The following TNRC18 variants were observed in gnomAD, a reference collection of about 807,000 sequenced individuals.
The protein encoded by TNRC18 is trinucleotide repeat containing 18, also known as trinucleotide repeat-containing gene 18 protein.
TNRC18 carries 69 observed loss-of-function variants against 226.7 expected under a neutral mutation model. The ratio of observed to expected loss-of-function variants is 0.30; its 90% CI spans 0.25 to 0.37. The LOEUF (loss-of-function observed/expected upper bound fraction) is 0.37. TNRC18 is among the 10% of genes least tolerant of loss of function. The pLI is 1.00. For missense variants in TNRC18, 4,754 were observed against 4,256.6 expected (o/e 1.12, Z -3.25); for synonymous variants, 2,449 against 1,927.6 (o/e 1.27, Z -7.09).
chr7:5,310,196 C>A (rs1003378586), intron 27 of TNRC18, among the ~76,000 whole-genome samples: 3 of 151,840 alleles, frequency 2.0e-5, no homozygotes, highest in Admixed American at 1.3e-4. Flanking sequence ...AGCTACCACA[C>A]CTGGCCTTTT....
chr7:5,419,840 G>C (rs1439997506), intron 2 of TNRC18: 1 of 152,350 alleles, frequency 6.6e-6, no homozygotes, highest in Non-Finnish European at 1.5e-5. Flanking sequence ...AAATCAAAGA[G>C]AGAGCAAAAT....
chr7:5,329,121 G>A lies in TNRC18; in HGVS notation c.6147+3501C>T, dbSNP rs150255172. ...AGTTCGAGACGAGACTGGCCAACATGGCGAAACCTTGTCTCTACTAAAAAT... is the reference window on the plus strand; with the variant it reads ...AGTTCGAGACGAGACTGGCCAACATAGCGAAACCTTGTCTCTACTAAAAAT... On this transcript the variant is annotated intron_variant, in intron 19 of 29. Coordinates refer to ENST00000430969, the MANE Select transcript of TNRC18 (RefSeq NM_001080495.3). 5.0e-3 allele frequency among the ~76,000 whole-genome samples: 760 copies of A among 152,056 alleles called. 6 individuals carry two copies. The highest frequency in any genetic ancestry group is 0.018 in the African/African-American group (731 of 41,468).
Position 5,381,236 on chromosome 7 carries a change from G to A in TNRC18, c.2153-3212C>T, listed in dbSNP as rs534816781. ...CCCTCTGTCCCCCACCCCTGCGCTT[G>A]GCCGGGCCCCTCCTCTACCCTCCTC... On this transcript the variant is annotated intron_variant, in intron 5 of 29. Transcript: ENST00000430969. Among the ~76,000 whole-genome samples, 33 of 152,280 alleles carry A rather than the reference G, an allele frequency of 2.2e-4. 1 individual carries two copies. In the South Asian group the frequency reaches 5.8e-3, roughly 27 times the overall value.
chr7:5,375,202 G>C (rs911637296), intron 9 of TNRC18, among the ~76,000 whole-genome samples: 1 of 152,104 alleles, frequency 6.6e-6, no homozygotes, highest in African/African-American at 2.4e-5. Context: ...CCAGCTACTC[G>C]GGAGGCTGAG....
At chr7:5,359,784 AG>A (rs1161105974) in intron 14 of TNRC18, among the ~76,000 whole-genome samples, 2 of 152,172 alleles carry the variant, frequency 1.3e-5, no homozygotes, top group Non-Finnish European at 2.9e-5. Context: ...AGGTGAAAGA[AG>A]GAAGAAAGCA....
At chr7:5,348,617 G>A (rs1012735179) in intron 17 of TNRC18, among the ~76,000 whole-genome samples, 1 of 142,950 alleles carries the variant, frequency 7.0e-6, no homozygotes, top group African/African-American at 2.5e-5. Context: ...GGCGGTGAAG[G>A]TGATGAGTCT....
chr7:5,309,626 A>G lies in TNRC18; in HGVS notation c.8389-258T>C, dbSNP rs973007347. ...CTACAAGACTTCTTATTTTTGAGAC[A>G]GGGTCTCCCTCTGTTGCCCAGGCTG... On this transcript the variant is annotated intron_variant, in intron 27 of 29. Transcript: ENST00000430969. This position sits in a 1 kb window ranked among gnomAD's most constrained non-coding sequence, Gnocchi z 5.7. 3.9e-5 allele frequency among the ~76,000 whole-genome samples: 6 copies of G among 152,262 alleles called. No individual in the cohort carries two copies. Among genetic ancestry groups the G allele is most frequent in the Non-Finnish European group, 8.8e-5 (6 of 68,048 alleles).
At chr7:5,375,869 G>A (rs547675701) in intron 9 of TNRC18, among the ~76,000 whole-genome samples, 165 bp downstream of exon 9, 1 of 152,296 alleles carries the variant, frequency 6.6e-6, no homozygotes, top group East Asian at 1.9e-4. Context: ...ATGGCTCCAG[G>A]TCTCGGTTCC....
Position 5,366,318 on chromosome 7 carries a change from C to CTTTTTTTTTTTTTTTTTTT in TNRC18, c.4220-3512_4220-3494dup, listed in dbSNP as rs202053648. On this transcript the variant is annotated intron_variant, in intron 11 of 29. Transcript: ENST00000430969. ...AATGCTTGTTTTGCTCTTCTTATAT[C>CTTTTTTTTTTTTTTTTTTT]TTTTTTTTTTTTTTTTTTTTTTTTT... 8.5e-5 allele frequency among the ~76,000 whole-genome samples: 6 copies of CTTTTTTTTTTTTTTTTTTT among 70,464 alleles called. 2 individuals carry two copies. Among genetic ancestry groups the CTTTTTTTTTTTTTTTTTTT allele is most frequent in the African/African-American group, 2.5e-4 (4 of 15,844 alleles). The allele number at this position is 70,464 out of a possible 152,430, so 46.2% of individuals were successfully genotyped here.
chr7:5,331,782 C>T (rs1443895314), intron 19 of TNRC18, among the ~76,000 whole-genome samples: 1 of 152,126 alleles, frequency 6.6e-6, no homozygotes, highest in Non-Finnish European at 1.5e-5. Flanking sequence ...CGGTGGTATG[C>T]ACCTGTAGTC....
chr7:5,390,839 G>C (rs775762049), intron 3 of TNRC18, among the ~76,000 whole-genome samples: 6 of 151,992 alleles, frequency 3.9e-5, no homozygotes, highest in African/African-American at 1.5e-4. Context: ...GGGGACTGGG[G>C]TCTCCAGTCC....
chr7:5,408,160 G>A (rs888876007), intron 2 of TNRC18, among the ~76,000 whole-genome samples: 2 of 152,052 alleles, frequency 1.3e-5, no homozygotes, highest in Non-Finnish European at 2.9e-5. Context: ...TTAGCTGGGC[G>A]TGGTGGCGCG....
chr7:5,420,084 T>A (rs1782455825), intron 2 of TNRC18: 1 of 273,966 alleles, frequency 3.7e-6, no homozygotes. Context: ...GCCGGGCAGG[T>A]CTGGAGGTCC....
chr7:5,420,605 C>G (rs1172757692), intron 2 of TNRC18: 2 of 456,136 alleles, frequency 4.4e-6, no homozygotes, highest in Non-Finnish European at 8.8e-6. Context: ...CGGCTCGGCG[C>G]GAGTGGTGGA....
Position 5,313,558 on chromosome 7 carries a change from C to T in TNRC18, c.7333G>A (p.Glu2445Lys). ...CTCCGAGGGCCCTTGGCACCCGACT[C>T]CTCGGCTGCCCGCGCCTTCTTGGGC... ...PKPKKARAAE[E>K]SGAKGPRRPG... The change falls in exon 27 of 30, where the codon GAG (glutamate) becomes AAG (lysine). Residue 2445 changes from glutamate (E) to lysine (K), a missense_variant. Glu to Lys is a moderately conservative substitution (Grantham distance 56). Coordinates refer to ENST00000430969, the MANE Select transcript of TNRC18 (RefSeq NM_001080495.3). 2 of 1,606,998 alleles carry T rather than the reference C, an allele frequency of 1.2e-6. No homozygotes were observed. The highest frequency in any genetic ancestry group is 1.7e-6 in the Non-Finnish European group (2 of 1,177,176).
At chr7:5,342,128 G>T (rs1192186130) in intron 18 of TNRC18, among the ~76,000 whole-genome samples, 1 of 152,108 alleles carries the variant, frequency 6.6e-6, no homozygotes, top group East Asian at 1.9e-4. Flanking sequence ...AAACCTTCTG[G>T]AAAGAATTCA....
In TNRC18 at chr7:5,313,785, G is replaced by T; in HGVS notation, c.7106C>A (p.Thr2369Asn). The T allele has an allele frequency of 6.5e-7, 1 of 1,538,466 alleles. No individual in the cohort carries two copies. Among genetic ancestry groups the T allele is most frequent in the Non-Finnish European group, 8.7e-7 (1 of 1,143,524 alleles). The change falls in exon 27 of 30, where the codon ACC (threonine) becomes AAC (asparagine). Residue 2369 changes from threonine (T) to asparagine (N), a missense_variant. Transcript: ENST00000430969. Reference protein sequence around the residue: ...STPLALEPSSTPGSKKSPPEP... With the variant: ...STPLALEPSSNPGSKKSPPEP... ...TGGGGGGCTCTTCTTGGAACCTGGG[G>T]TGCTGCTCGGCTCCAGGGCTAAGGG...
At position 5,394,386 on chromosome 7, in the gene TNRC18, T is replaced by A. The variant is rs1215678697; in HGVS notation, c.343+54A>T. 2 of 1,450,058 alleles carry A rather than the reference T, an allele frequency of 1.4e-6. No individual in the cohort carries two copies. Among genetic ancestry groups the A allele is most frequent in the Non-Finnish European group, 1.8e-6 (2 of 1,096,652 alleles). The allele number at this position is 1,450,058 out of a possible 1,614,324, so 89.8% of individuals were successfully genotyped here. A position where few individuals can be genotyped will look rare whatever the true frequency, so the allele number is the denominator to read the frequency against. ...AGAGGGGCACATGAAGTGGCCAGAGTGGCTGGGACGTCAGCCCAGCAGCCC... is the reference window on the plus strand; with the variant it reads ...AGAGGGGCACATGAAGTGGCCAGAGAGGCTGGGACGTCAGCCCAGCAGCCC... On this transcript the variant is annotated intron_variant, in intron 3 of 29. Coordinates refer to ENST00000430969, the MANE Select transcript of TNRC18 (RefSeq NM_001080495.3). The surrounding 1 kb of genome is among the most constrained non-coding windows in gnomAD (Gnocchi z 4.5).
chr7:5,335,300 T>TGAA (rs1562508489), intron 18 of TNRC18, among the ~76,000 whole-genome samples: 7 of 10,630 alleles, frequency 6.6e-4, no homozygotes, highest in African/African-American at 1.3e-3. Flanking sequence ...AGAATCTGTC[T>TGAA]CAAAAAAAAA....
Sources: gnomAD v4.1 joint callset for allele counts (sites outside exome capture counted in the v4.1 genomes callset) on GRCh38, gnomAD v4.1.1 for gene constraint, Gnocchi (gnomAD v3.1) non-coding constraint, MANE v1.5 for transcripts, NCBI Gene and HGNC (gene_info 2026-07-23, HGNC 2026-07-21) for gene names.